Variants in CDC42 observed in about 807,000 individuals in gnomAD.
CDC42 encodes cell division cycle 42.
In CDC42, 1 loss-of-function variant was observed where a neutral mutation model predicts 20.8. The observed-to-expected ratio is 0.05, with a 90% CI of 0.02 to 0.23. The LOEUF (loss-of-function observed/expected upper bound fraction) is 0.23. CDC42 is among the 10% of genes least tolerant of loss of function. CDC42 has a pLI of 1.00. For missense variants in CDC42, 49 were observed against 227.9 expected, an observed-to-expected ratio of 0.21 and a Z score of 5.05; for synonymous variants, 72 against 84.8, an observed-to-expected ratio of 0.85 and a Z score of 0.83.
chr1:22,078,429 G>C lies in CDC42; in HGVS notation c.-50G>C, dbSNP rs1262915536. 9.7e-6 allele frequency: 13 copies of C among 1,334,204 alleles called. No individual in the cohort carries two copies. Among genetic ancestry groups the C allele is most frequent in the Admixed American group, 1.9e-5 (1 of 52,844 alleles). The allele number at this position is 1,334,204 out of a possible 1,614,324, so 82.6% of individuals were successfully genotyped here. On this transcript the variant is annotated splice_region_variant and 5_prime_UTR_variant, in exon 2 of 6. Coordinates refer to ENST00000656825, the MANE Select transcript of CDC42 (RefSeq NM_001791.4). The stretch of plus-strand genomic sequence containing the variant: ...ACAAATGTCTTTAATCTTTTTGCAG[G>C]TCATCATCAGATTTGAAATATTTAA...
In CDC42 at chr1:22,098,008, C is replaced by T. The variant is rs1036627567; in HGVS notation, c.*6491C>T. Among the ~76,000 whole-genome samples the T allele has an allele frequency of 1.3e-5, 2 of 152,098 alleles. No individual in the cohort carries two copies. ...TTCTCAACCCTATTACAATAGAGCA[C>T]AGGATCATAACTGTTCTGTTTGCTC... On this transcript the variant is annotated 3_prime_UTR_variant, in exon 6 of 6. Transcript: ENST00000656825.
intron 1 of CDC42, among the ~76,000 whole-genome samples, chr1:22,058,025 G>T (rs1645322772): frequency 6.6e-6 from 1 of 152,080 alleles, no homozygotes; most frequent in Non-Finnish European, 1.5e-5. Flanking sequence ...GCTGCATTCC[G>T]GCCTCCTTTA....
chr1:22,053,032 C>T (rs984323241), intron 1 of CDC42, among the ~76,000 whole-genome samples: 1 of 151,192 alleles, frequency 6.6e-6, no homozygotes, highest in Non-Finnish European at 1.5e-5. Flanking sequence ...GGGCTGTCAC[C>T]GGCAGCGGCG....
rs1185307553 is a variant in CDC42, at chr1:22,100,257, A to G, written c.*8740A>G. 4.6e-5 allele frequency among the ~76,000 whole-genome samples: 7 copies of G among 152,110 alleles called. No individual in the cohort carries two copies. The highest frequency in any genetic ancestry group is 3.3e-4 in the Admixed American group (5 of 15,278). ...GGATACTCATGCAGTTTTTGAGTTT[A>G]AGTAGTAAACTCCTAAACTTCAAGT... is the stretch of plus-strand genomic sequence containing the variant. On this transcript the variant is annotated 3_prime_UTR_variant, in exon 6 of 6. Transcript: ENST00000656825.
In CDC42 at chr1:22,083,553, C is replaced by T. The variant is rs996866576; in HGVS notation, c.178+1759C>T. Among the ~76,000 whole-genome samples the T allele has an allele frequency of 3.9e-5, 6 of 151,928 alleles. No homozygotes were observed. In the South Asian group the frequency reaches 1.0e-3, roughly 26 times the overall value. The stretch of plus-strand genomic sequence containing the variant: ...CCAGGGGGCGGAGGTTGCAGTGAGC[C>T]GAGATTCTGCCACTGCCCTCCAGCC... On this transcript the variant is annotated intron_variant, in intron 3 of 5. Transcript: ENST00000656825.
intron 1 of CDC42, among the ~76,000 whole-genome samples, chr1:22,058,091 G>T (rs1645323681): frequency 6.6e-6 from 1 of 152,098 alleles, no homozygotes; most frequent in Non-Finnish European, 1.5e-5. Flanking sequence ...CAGGCCTCAG[G>T]TATGCAGTAT....
chr1:22,066,093 A>G (rs1645420337), intron 1 of CDC42, among the ~76,000 whole-genome samples: 1 of 152,206 alleles, frequency 6.6e-6, no homozygotes, highest in Non-Finnish European at 1.5e-5. Context: ...AAAGTTGTAA[A>G]AGACATTTAA....
chr1:22,077,259 G>A (rs935849533), intron 1 of CDC42, among the ~76,000 whole-genome samples: 9 of 152,270 alleles, frequency 5.9e-5, no homozygotes, highest in Middle Eastern at 6.8e-3. Context: ...CTTTTGTTTC[G>A]TGATTTTTGC....
rs180745496 is a variant in CDC42 at position 22,094,054 on chromosome 1, C to T, written c.*2537C>T. On this transcript the variant is annotated 3_prime_UTR_variant, in exon 6 of 6. Transcript: ENST00000656825. ...CTGCATGTCAGAAGAACTTGGGTAG[C>T]AAGTGGATGCAGCTTAGGTTTTCCA... Among the ~76,000 whole-genome samples the T allele has an allele frequency of 1.4e-4, 21 of 152,192 alleles. No homozygotes were observed. The highest frequency in any genetic ancestry group is 1.4e-3 in the Admixed American group (21 of 15,290).
chr1:22,062,376 T>G (rs1294842282), intron 1 of CDC42, among the ~76,000 whole-genome samples: 1 of 152,244 alleles, frequency 6.6e-6, no homozygotes, highest in Non-Finnish European at 1.5e-5. Flanking sequence ...TCTCACCTCA[T>G]AACTTTTAAA....
chr1:22,081,597 G>A, intron 2 of CDC42, 125 bp from the exon 3 acceptor site: 1 of 632,158 alleles, frequency 1.6e-6, no homozygotes. Flanking sequence ...GTTATATAAG[G>A]ATGATGGATG....
rs796294047 is a variant in CDC42 at position 22,100,025 on chromosome 1, TCTTC to T, written c.*8509_*8512del. ...GCCTTTTTTTCTTTCTTCTTCTTCTTCTTCTTTTTTTTTTTTTTTGTATAATAGG... is the reference window on the plus strand; with the variant it reads ...GCCTTTTTTTCTTTCTTCTTCTTCTTTTTTTTTTTTTTTTTGTATAATAGG... On this transcript the variant is annotated 3_prime_UTR_variant, in exon 6 of 6. Transcript: ENST00000656825. 0.092 allele frequency among the ~76,000 whole-genome samples: 3,061 copies of T among 33,298 alleles called. 98 individuals are homozygous for T. The highest frequency in any genetic ancestry group is 0.24 in the African/African-American group (2,761 of 11,484). The allele number at this position is 33,298 out of a possible 152,430, so 21.8% of individuals were successfully genotyped here. A position where few individuals can be genotyped will look rare whatever the true frequency, so the allele number is the denominator to read the frequency against.
At chr1:22,083,100 C>T (rs564337326) in intron 3 of CDC42, among the ~76,000 whole-genome samples, 2 of 151,846 alleles carry the variant, frequency 1.3e-5, no homozygotes, top group East Asian at 3.9e-4. Context: ...AGGCTGGTCT[C>T]GAACTTCTGA....
intron 1 of CDC42, among the ~76,000 whole-genome samples, chr1:22,070,215 A>C (rs1442177570): frequency 6.6e-6 from 1 of 152,148 alleles, no homozygotes; most frequent in Non-Finnish European, 1.5e-5. Context: ...TTAAAAGCAA[A>C]ATTTATTCAA....
rs939534420 is a variant in CDC42 at position 22,086,995 on chromosome 1, A to G, written c.486+129A>G. ...GCCCAGCAAGAATATGAACAGCTTC[A>G]TATTGTATGTTCTTTTGTTAGAGGC... On this transcript the variant is annotated intron_variant, in intron 5 of 5. Transcript: ENST00000656825. The G allele has an allele frequency of 4.5e-5, 33 of 733,150 alleles. No individual in the cohort carries two copies. The African/African-American group carries it at 5.4e-4, about 12-fold the overall frequency. The allele number at this position is 733,150 out of a possible 1,614,324, so 45.4% of individuals were successfully genotyped here.
rs1206517828 is a variant in CDC42 at position 22,096,618 on chromosome 1, A to G, written c.*5101A>G. 1.3e-5 allele frequency among the ~76,000 whole-genome samples: 2 copies of G among 152,222 alleles called. No homozygotes were observed. The highest frequency in any genetic ancestry group is 2.1e-4 in the South Asian group (1 of 4,836). On this transcript the variant is annotated 3_prime_UTR_variant, in exon 6 of 6. Transcript: ENST00000656825. ...GGCAGAGGTAAGGACTTTGGTCTCA[A>G]TAGCCTACAGGGTGCTTCATCCACT...
intron 1 of CDC42, among the ~76,000 whole-genome samples, chr1:22,069,755 C>T (rs530593614): frequency 2.0e-5 from 3 of 151,888 alleles, no homozygotes; most frequent in Non-Finnish European, 4.4e-5. Context: ...GCGTGAGCCG[C>T]CACACCCAGC....
chr1:22,078,885 A>ATTT, intron 2 of CDC42: 1 of 1,058,438 alleles, frequency 9.4e-7, no homozygotes, highest in Non-Finnish European at 1.2e-6. Flanking sequence ...GAATGAGGTG[A>ATTT]CTTTTTTTTT....
intron 1 of CDC42, among the ~76,000 whole-genome samples, chr1:22,074,674 C>T (rs910116369): frequency 6.6e-6 from 1 of 152,152 alleles, no homozygotes; most frequent in Admixed American, 6.5e-5. Context: ...CCCACTTTGG[C>T]CTCCCAAAGT....
Sources: gnomAD v4.1 joint callset for allele counts (sites outside exome capture counted in the v4.1 genomes callset) on GRCh38, gnomAD v4.1.1 for gene constraint, MANE v1.5 for transcripts, NCBI Gene and HGNC (gene_info 2026-07-23, HGNC 2026-07-21) for gene names.